RPS6KC1: variants seen among roughly 807,000 people sequenced by gnomAD.
RPS6KC1 encodes the protein inactive ribosomal protein S6 kinase delta-1.
A neutral mutation model predicts 103.8 loss-of-function variants in RPS6KC1; 54 were observed. That is an observed-to-expected ratio of 0.52 (90% CI 0.42 to 0.65). RPS6KC1 has a LOEUF of 0.65. RPS6KC1 is among the 30% of genes least tolerant of loss of function. RPS6KC1 has a pLI of 0.00. For missense variants in RPS6KC1, 1,151 were observed against 1,253.8 expected, an observed-to-expected ratio of 0.92 and a Z score of 1.24; for synonymous variants, 439 against 438.7, an observed-to-expected ratio of 1.00 and a Z score of -0.01.
At chr1:213,521,469 G>A in the RPS6KC1 span, among the ~76,000 whole-genome samples, 5 of 152,174 alleles carry the variant, frequency 3.3e-5, no homozygotes, top group Non-Finnish European at 7.3e-5. Context: ...GATGGTTGGG[G>A]TGGCTGTGGC....
the RPS6KC1 span, among the ~76,000 whole-genome samples, chr1:213,400,070 G>T: frequency 6.6e-6 from 1 of 152,156 alleles, no homozygotes; most frequent in Non-Finnish European, 1.5e-5. Flanking sequence ...AGAAAAAAGA[G>T]GTGGGCGGGG....
the RPS6KC1 span, among the ~76,000 whole-genome samples, chr1:213,566,437 G>GTTTTTTTTTTTTT: frequency 1.6e-4 from 8 of 48,520 alleles, no homozygotes; most frequent in East Asian, 9.2e-4. Flanking sequence ...TCAGCCTTTA[G>GTTTTTTTTTTTTT]TTTTTTTTTT....
chr1:213,111,755 G>A (rs1022745485), intron 4 of RPS6KC1, among the ~76,000 whole-genome samples: 2 of 152,152 alleles, frequency 1.3e-5, no homozygotes, highest in Non-Finnish European at 2.9e-5. Flanking sequence ...GGTAGAAGAG[G>A]TAGTTAATAG....
chr1:213,472,570 G>A, the RPS6KC1 span, among the ~76,000 whole-genome samples: 4 of 152,100 alleles, frequency 2.6e-5, no homozygotes, highest in African/African-American at 7.2e-5. Flanking sequence ...TAGTTTTTAG[G>A]GCCTTGGTTC....
At chr1:213,169,875 G>A (rs889016734) in intron 7 of RPS6KC1, among the ~76,000 whole-genome samples, 4 of 148,500 alleles carry the variant, frequency 2.7e-5, no homozygotes, top group African/African-American at 7.5e-5. Context: ...TCCGCTTCCC[G>A]GGTTCAGGCG....
chr1:213,854,967 T>C, the RPS6KC1 span, among the ~76,000 whole-genome samples: 41 of 152,326 alleles, frequency 2.7e-4, no homozygotes, highest in African/African-American at 9.6e-4. Context: ...ATCAAGGTTC[T>C]GGCCTGTTTG....
the RPS6KC1 span, among the ~76,000 whole-genome samples, chr1:213,290,594 G>T: frequency 6.6e-6 from 1 of 151,554 alleles, no homozygotes; most frequent in Non-Finnish European, 1.5e-5. Context: ...AATTCCTAGG[G>T]CTTTTGTTGT....
At chr1:213,800,083 C>T in the RPS6KC1 span, among the ~76,000 whole-genome samples, 2 of 152,102 alleles carry the variant, frequency 1.3e-5, no homozygotes, top group Admixed American at 6.5e-5. Flanking sequence ...CTCCTCTAAA[C>T]CTAATAACCT....
the RPS6KC1 span, among the ~76,000 whole-genome samples, chr1:213,789,675 G>A: frequency 4.6e-5 from 7 of 152,206 alleles, no homozygotes; most frequent in Middle Eastern, 3.4e-3. Context: ...GTACTCTATC[G>A]AGTCTACTTG....
chr1:213,563,219 G>T, the RPS6KC1 span, among the ~76,000 whole-genome samples: 3 of 152,156 alleles, frequency 2.0e-5, no homozygotes, highest in Non-Finnish European at 4.4e-5. Flanking sequence ...ATTGTAAAAA[G>T]CCCCTCTTTA....
the RPS6KC1 span, among the ~76,000 whole-genome samples, chr1:213,411,249 A>G: frequency 2.0e-5 from 3 of 152,216 alleles, no homozygotes; most frequent in Non-Finnish European, 2.9e-5. Context: ...CACATGAGGA[A>G]GAAGCACAAA....
the RPS6KC1 span, among the ~76,000 whole-genome samples, chr1:213,682,039 C>A: frequency 3.3e-5 from 5 of 152,140 alleles, no homozygotes; most frequent in Non-Finnish European, 7.3e-5. Context: ...CTTTTCTATT[C>A]CTGCCTTTGA....
chr1:213,130,577 G>C (rs1437453497), intron 6 of RPS6KC1, among the ~76,000 whole-genome samples: 1 of 152,066 alleles, frequency 6.6e-6, no homozygotes, highest in African/African-American at 2.4e-5. Context: ...CATTTTCATT[G>C]TTCTGTGGTC....
the RPS6KC1 span, among the ~76,000 whole-genome samples, chr1:213,636,839 T>C: frequency 5.3e-5 from 8 of 152,004 alleles, no homozygotes; most frequent in Non-Finnish European, 8.8e-5. Context: ...ACCTACAGAA[T>C]GGGAGAAAAA....
chr1:213,725,876 G>A, the RPS6KC1 span, among the ~76,000 whole-genome samples: 1 of 152,026 alleles, frequency 6.6e-6, no homozygotes, highest in South Asian at 2.1e-4. Flanking sequence ...CCCTTGCTGA[G>A]TGCTGGCAAA....
the RPS6KC1 span, among the ~76,000 whole-genome samples, chr1:213,766,803 G>T: frequency 3.3e-5 from 5 of 151,754 alleles, no homozygotes; most frequent in South Asian, 8.3e-4. Context: ...TCATTATGCC[G>T]TTGGACCTCC....
chr1:213,731,792 G>C, the RPS6KC1 span, among the ~76,000 whole-genome samples: 1 of 152,058 alleles, frequency 6.6e-6, no homozygotes. Context: ...GATTTATAAT[G>C]ACAATATGGA....
chr1:213,858,590 GA>G, the RPS6KC1 span, among the ~76,000 whole-genome samples: 30 of 152,256 alleles, frequency 2.0e-4, no homozygotes, highest in South Asian at 6.2e-3. Context: ...ATCCCAGTTG[GA>G]AATGACTAAC....
intron 8 of RPS6KC1, among the ~76,000 whole-genome samples, chr1:213,228,975 G>A (rs1227610468): frequency 6.6e-6 from 1 of 152,116 alleles, no homozygotes; most frequent in African/African-American, 2.4e-5. Context: ...TCAGTCACTT[G>A]TTCTGAAGGT....
Sources: allele counts gnomAD v4.1 joint callset (sites outside exome capture counted in the v4.1 genomes callset), GRCh38; gene constraint gnomAD v4.1.1; transcripts MANE v1.5; gene names NCBI Gene and HGNC (gene_info 2026-07-23, HGNC 2026-07-21).